Variants in ZNF521 observed in about 807,000 individuals in gnomAD.
ZNF521 encodes the protein zinc finger protein 521.
ZNF521 carries 14 observed loss-of-function variants against 105.5 expected under a neutral mutation model. That is an observed-to-expected ratio of 0.13 (90% CI 0.09 to 0.21). The LOEUF (loss-of-function observed/expected upper bound fraction) is 0.21, where lower values mean the gene tolerates loss of function less well. ZNF521 is among the 10% of genes least tolerant of loss of function. ZNF521 has a pLI of 1.00. For synonymous variants in ZNF521, 635 were observed against 606.0 expected (o/e 1.05, Z -0.70); for missense variants, 1,233 against 1,629.7 (o/e 0.76, Z 4.19).
chr18:25,212,942 G>C (rs1026857492), intron 4 of ZNF521, among the ~76,000 whole-genome samples: 2 of 151,462 alleles, frequency 1.3e-5, no homozygotes, highest in African/African-American at 4.8e-5. Context: ...TTTGTCTTTA[G>C]ATTCTTTGGG....
intron 5 of ZNF521, among the ~76,000 whole-genome samples, chr18:25,178,945 C>A (rs571544781): frequency 3.9e-5 from 6 of 152,196 alleles, no homozygotes; most frequent in South Asian, 2.1e-4. Flanking sequence ...CACACTAGCT[C>A]TGTTCTGCTC....
At chr18:25,194,876 G>C (rs535067240) in intron 5 of ZNF521, among the ~76,000 whole-genome samples, 1 of 151,574 alleles carries the variant, frequency 6.6e-6, no homozygotes, top group Non-Finnish European at 1.5e-5. Context: ...ATTCCTGTTA[G>C]TTTTCAATAA....
At chr18:25,314,411 A>T (rs1040798413) in intron 3 of ZNF521, among the ~76,000 whole-genome samples, 1 of 152,216 alleles carries the variant, frequency 6.6e-6, no homozygotes, top group African/African-American at 2.4e-5. Flanking sequence ...AATAATAAGG[A>T]TATTCCAGAT....
At chr18:25,335,027 C>G (rs769426711) in intron 2 of ZNF521, among the ~76,000 whole-genome samples, 1 of 152,174 alleles carries the variant, frequency 6.6e-6, no homozygotes, top group African/African-American at 2.4e-5. Flanking sequence ...CACAGGTCCA[C>G]CAGGCAGCGG....
intron 5 of ZNF521, among the ~76,000 whole-genome samples, chr18:25,110,850 C>T (rs758255599): frequency 6.6e-6 from 1 of 151,986 alleles, no homozygotes; most frequent in African/African-American, 2.4e-5. Flanking sequence ...ACCTCCTCCA[C>T]CTCCCAGGTT....
At chr18:25,275,089 T>C (rs928055670) in intron 3 of ZNF521, among the ~76,000 whole-genome samples, 3 of 152,156 alleles carry the variant, frequency 2.0e-5, no homozygotes, top group Non-Finnish European at 4.4e-5. Context: ...CCAAAAAAAC[T>C]TGCTATAGTG....
chr18:25,190,146 T>C (rs539765595), intron 5 of ZNF521, among the ~76,000 whole-genome samples: 32 of 152,340 alleles, frequency 2.1e-4, no homozygotes, highest in Middle Eastern at 6.8e-3. Context: ...CCAGATTTCA[T>C]CTTTTTTAAT....
intron 3 of ZNF521, among the ~76,000 whole-genome samples, chr18:25,288,595 G>GA (rs71375174): frequency 0.17 from 18,267 of 106,264 alleles, 1,332 homozygotes; most frequent in African/African-American, 0.25. Flanking sequence ...ACCCAGCTTT[G>GA]AAAAAAAAAA....
In ZNF521 at chr18:25,114,427, T is replaced by C. The variant is rs560361400; in HGVS notation, c.3659-22346A>G. Among the ~76,000 whole-genome samples, 28 of 152,340 alleles carry C rather than the reference T, an allele frequency of 1.8e-4. No homozygotes were observed. In the South Asian group the frequency reaches 5.8e-3, roughly 32 times the overall value. ...TCTATATTTTTAAAAATTACAGCTG[T>C]TATAATTTGTTGACAAATTGTGAGG... On this transcript the variant is annotated intron_variant, in intron 5 of 7. Coordinates refer to ENST00000361524, the MANE Select transcript of ZNF521 (RefSeq NM_015461.3).
At chr18:25,232,476 C>T (rs1035633514) in intron 3 of ZNF521, among the ~76,000 whole-genome samples, 5 of 152,156 alleles carry the variant, frequency 3.3e-5, no homozygotes, top group African/African-American at 1.2e-4. Context: ...AATGCAATCT[C>T]AGGAATATTA....
At chr18:25,301,758 TG>T (rs1911652632) in intron 3 of ZNF521, among the ~76,000 whole-genome samples, 1 of 151,772 alleles carries the variant, frequency 6.6e-6, no homozygotes, top group Non-Finnish European at 1.5e-5. Context: ...AAAGATGGAG[TG>T]GGGGGTAAGG....
intron 5 of ZNF521, among the ~76,000 whole-genome samples, chr18:25,157,574 C>G (rs2035170920): frequency 6.6e-6 from 1 of 152,080 alleles, no homozygotes. Flanking sequence ...AAGTGGATTG[C>G]TTAAGCAAAG....
At chr18:25,170,643 A>G (rs1274688704) in intron 5 of ZNF521, among the ~76,000 whole-genome samples, 1 of 152,128 alleles carries the variant, frequency 6.6e-6, no homozygotes, top group Admixed American at 6.5e-5. Flanking sequence ...TTAATGCTTC[A>G]GTGACACCCA....
At chr18:25,156,681 C>T (rs2035150817) in intron 5 of ZNF521, among the ~76,000 whole-genome samples, 1 of 151,908 alleles carries the variant, frequency 6.6e-6, no homozygotes, top group African/African-American at 2.4e-5. Context: ...AATTGTTTTT[C>T]ATATATATGG....
chr18:25,143,346 G>A (rs1242660896), intron 5 of ZNF521, among the ~76,000 whole-genome samples: 1 of 152,130 alleles, frequency 6.6e-6, no homozygotes, highest in African/African-American at 2.4e-5. Flanking sequence ...CCAATAGTTA[G>A]AGTCCTGTTT....
intron 7 of ZNF521, 88 bp from the exon 8 acceptor site, chr18:25,062,829 G>C (rs2032943358): frequency 8.0e-7 from 1 of 1,245,140 alleles, no homozygotes; most frequent in South Asian, 1.4e-5. Context: ...ATTTTCATCA[G>C]ACCAAGCATA....
At chr18:25,331,783 G>A (rs1378787869) in intron 2 of ZNF521, among the ~76,000 whole-genome samples, 3 of 151,856 alleles carry the variant, frequency 2.0e-5, no homozygotes, top group Non-Finnish European at 4.4e-5. Context: ...CTGCAATGTA[G>A]CAATACTCAC....
At chr18:25,284,203 T>C (rs1243221802) in intron 3 of ZNF521, among the ~76,000 whole-genome samples, 2 of 152,178 alleles carry the variant, frequency 1.3e-5, no homozygotes, top group Non-Finnish European at 2.9e-5. Context: ...TTACCAGAGA[T>C]AATAAAGAAC....
chr18:25,088,110 T>C (rs1351132367), intron 7 of ZNF521, among the ~76,000 whole-genome samples: 1 of 152,170 alleles, frequency 6.6e-6, no homozygotes, highest in African/African-American at 2.4e-5. Context: ...AGCTCTTTCA[T>C]TTGGTTCAGG....
Sources: allele counts gnomAD v4.1 joint callset (sites outside exome capture counted in the v4.1 genomes callset), GRCh38; gene constraint gnomAD v4.1.1; transcripts MANE v1.5; gene names NCBI Gene and HGNC (gene_info 2026-07-23, HGNC 2026-07-21).